TMTC2: variants seen among roughly 807,000 people sequenced by gnomAD.
TMTC2 encodes protein O-mannosyl-transferase TMTC2.
Under a neutral mutation model 82.4 loss-of-function variants are expected in TMTC2, and 43 were observed. The ratio of observed to expected loss-of-function variants is 0.52; its 90% CI spans 0.41 to 0.67. The LOEUF (loss-of-function observed/expected upper bound fraction) is 0.67. Ranked by LOEUF, TMTC2 falls within the 30% of genes least tolerant of loss-of-function variation. The probability of loss-of-function intolerance (pLI) is 0.00; values close to 1 mark genes in which losing one functional copy is unlikely to be tolerated. For synonymous variants in TMTC2, 408 were observed against 381.9 expected (o/e 1.07, Z -0.80); for missense variants, 919 against 1,012.4 (o/e 0.91, Z 1.25).
chr12:82,875,385 T>TATA (rs140437146), intron 2 of TMTC2, among the ~76,000 whole-genome samples: 2 of 151,826 alleles, frequency 1.3e-5, no homozygotes, highest in African/African-American at 4.9e-5. Flanking sequence ...TATATATATA[T>TATA]ATGTTTTACA....
At position 82,792,796 on chromosome 12, in the gene TMTC2, T is replaced by G. The variant is rs12307545; in HGVS notation, c.84-64214T>G. 4.2e-3 allele frequency among the ~76,000 whole-genome samples: 635 copies of G among 152,178 alleles called. 5 individuals carry two copies. The highest frequency in any genetic ancestry group is 0.014 in the African/African-American group (602 of 41,528). ...TCTCGATGTTACTTTACATTTTATT[T>G]TCACATGATACAGATTCTGGAGATG... On this transcript the variant is annotated intron_variant, in intron 1 of 11. Transcript: ENST00000321196.
chr12:82,779,160 T>C (rs1565746783), intron 1 of TMTC2, among the ~76,000 whole-genome samples: 1 of 151,728 alleles, frequency 6.6e-6, no homozygotes, highest in East Asian at 1.9e-4. Flanking sequence ...AGGCAAGGAA[T>C]CCCAACATCA....
chr12:82,864,802 A>G (rs142662441), intron 2 of TMTC2, among the ~76,000 whole-genome samples: 2 of 151,658 alleles, frequency 1.3e-5, no homozygotes, highest in South Asian at 2.1e-4. Flanking sequence ...CGCCCGGCCT[A>G]CATTTTTTAT....
At chr12:83,034,570 G>A (rs1022193969) in intron 9 of TMTC2, among the ~76,000 whole-genome samples, 1 of 152,204 alleles carries the variant, frequency 6.6e-6, no homozygotes, top group African/African-American at 2.4e-5. Flanking sequence ...GGGAAACTCT[G>A]TAGATAGTTG....
At chr12:83,015,942 T>A (rs1880658268) in intron 8 of TMTC2, among the ~76,000 whole-genome samples, 1 of 152,106 alleles carries the variant, frequency 6.6e-6, no homozygotes. Context: ...GTAATCTTAA[T>A]ATGCACCACT....
At chr12:83,110,708 CTGGTACCTCT>C (rs1330377503) in intron 11 of TMTC2, among the ~76,000 whole-genome samples, 2 of 152,228 alleles carry the variant, frequency 1.3e-5, no homozygotes, top group Non-Finnish European at 2.9e-5. Context: ...CCACCTAACT[CTGGTACCTCT>C]TGTGGTTTAC....
chr12:82,865,481 C>A (rs1258714077), intron 2 of TMTC2, among the ~76,000 whole-genome samples: 1 of 152,128 alleles, frequency 6.6e-6, no homozygotes, highest in Non-Finnish European at 1.5e-5. Context: ...TATATATGTA[C>A]CCAATACAGG....
intron 1 of TMTC2, among the ~76,000 whole-genome samples, chr12:82,784,689 T>G (rs979643876): frequency 4.6e-5 from 7 of 152,134 alleles, no homozygotes; most frequent in African/African-American, 1.7e-4. Context: ...TGAAAGTGGT[T>G]AGGAAATGTG....
intron 8 of TMTC2, among the ~76,000 whole-genome samples, chr12:82,993,649 A>G (rs1224214471): frequency 2.0e-5 from 3 of 152,200 alleles, no homozygotes; most frequent in African/African-American, 7.2e-5. Context: ...GTCAAAAGTT[A>G]TATGTACATT....
At chr12:82,697,089 T>C (rs1592854685) in intron 1 of TMTC2, among the ~76,000 whole-genome samples, 1 of 151,650 alleles carries the variant, frequency 6.6e-6, no homozygotes, top group African/African-American at 2.4e-5. Flanking sequence ...CTCATGCCTG[T>C]AATCCCAGTA....
At chr12:82,703,096 C>G (rs559564095) in intron 1 of TMTC2, among the ~76,000 whole-genome samples, 5 of 151,994 alleles carry the variant, frequency 3.3e-5, no homozygotes, top group Admixed American at 6.6e-5. Context: ...ACTTTGGAGG[C>G]TGAGTGGGAG....
At position 82,857,240 on chromosome 12, in the gene TMTC2, TCTC is replaced by T; in HGVS notation, c.316_318del (p.Ser106del). 6.2e-7 allele frequency: 1 copy of T among 1,614,178 alleles called. No individual in the cohort carries two copies. The highest frequency in any genetic ancestry group is 8.5e-7 in the Non-Finnish European group (1 of 1,180,042). ...GCAGTCACTGGTCTCTTCACAAGCT[TCTC>T]CAAGATCCTCCTTGGTGATGGATAC... On this transcript the variant is annotated inframe_deletion, in exon 2 of 12. Transcript: ENST00000321196.
chr12:82,859,986 G>C (rs779796103), intron 2 of TMTC2, among the ~76,000 whole-genome samples: 1 of 152,052 alleles, frequency 6.6e-6, no homozygotes, highest in Non-Finnish European at 1.5e-5. Context: ...TGTTGTTGTT[G>C]TTTTTGAGAC....
chr12:82,693,138 C>T (rs1872647283), intron 1 of TMTC2, among the ~76,000 whole-genome samples: 1 of 152,206 alleles, frequency 6.6e-6, no homozygotes, highest in African/African-American at 2.4e-5. Context: ...GGGTTTGAAT[C>T]TGAGAGTCTA....
At chr12:82,936,751 CAA>C (rs1876339373) in intron 4 of TMTC2, among the ~76,000 whole-genome samples, 1 of 152,036 alleles carries the variant, frequency 6.6e-6, no homozygotes, top group African/African-American at 2.4e-5. Flanking sequence ...AAATATCTGT[CAA>C]AAGTTAGTAG....
chr12:82,861,135 C>A (rs995204653), intron 2 of TMTC2, among the ~76,000 whole-genome samples: 2 of 152,176 alleles, frequency 1.3e-5, no homozygotes, highest in East Asian at 3.8e-4. Flanking sequence ...AAATGGAAAA[C>A]TGCAGTATAC....
At chr12:82,803,704 C>G (rs1879115992) in intron 1 of TMTC2, among the ~76,000 whole-genome samples, 1 of 152,008 alleles carries the variant, frequency 6.6e-6, no homozygotes, top group African/African-American at 2.4e-5. Flanking sequence ...CAAATGTTAG[C>G]AGGCCACCAG....
At chr12:82,986,244 TGA>T in intron 8 of TMTC2, 198 bp downstream of exon 8, 2 of 597,850 alleles carry the variant, frequency 3.3e-6, no homozygotes, top group South Asian at 4.1e-5. Flanking sequence ...AGATAAGATG[TGA>T]GATGTCTGTA....
intron 4 of TMTC2, among the ~76,000 whole-genome samples, chr12:82,937,754 A>C (rs12304422): frequency 3.9e-5 from 1 of 25,404 alleles, no homozygotes; most frequent in African/African-American, 1.5e-4. Context: ...GTGTGTGTAT[A>C]TATATATATA....
Sources: allele counts gnomAD v4.1 joint callset (sites outside exome capture counted in the v4.1 genomes callset), GRCh38; gene constraint gnomAD v4.1.1; transcripts MANE v1.5; gene names NCBI Gene and HGNC (gene_info 2026-07-23, HGNC 2026-07-21).